The following PUDP variants were observed in gnomAD, a reference collection of about 807,000 sequenced individuals.
PUDP encodes the protein pseudouridine-5'-phosphatase.
In PUDP, 8 loss-of-function variants were observed where a neutral mutation model predicts 9.4. The ratio of observed to expected loss-of-function variants is 0.85; its 90% CI spans 0.50 to 1.53. The LOEUF (loss-of-function observed/expected upper bound fraction) is 1.53, where lower values mean the gene tolerates loss of function less well. Among genes scored for constraint, PUDP ranks in the 40% most tolerant of loss-of-function variants. The probability of loss-of-function intolerance (pLI) is 0.00; values close to 1 mark genes in which losing one functional copy is unlikely to be tolerated. For missense variants in PUDP, 188 were observed against 189.7 expected, an observed-to-expected ratio of 0.99 and a Z score of 0.05; for synonymous variants, 99 against 80.7, an observed-to-expected ratio of 1.23 and a Z score of -1.22.
intron 3 of PUDP, among the ~76,000 whole-genome samples, chrX:6,810,832 A>G (rs1406363754): frequency 8.9e-6 from 1 of 111,887 alleles, no homozygotes; most frequent in Non-Finnish European, 1.9e-5. Context: ...CAGCTATTGA[A>G]CTACTATTGC....
At chrX:6,897,639 G>T (rs1244543299) in intron 3 of PUDP, among the ~76,000 whole-genome samples, 1 of 111,447 alleles carries the variant, frequency 9.0e-6, no homozygotes, top group Non-Finnish European at 1.9e-5. Context: ...CATACACTAG[G>T]CAGTTTCTAA....
intron 3 of PUDP, among the ~76,000 whole-genome samples, chrX:6,729,780 C>G (rs1279391466): frequency 6.3e-5 from 7 of 111,591 alleles, no homozygotes; most frequent in Non-Finnish European, 1.1e-4. Flanking sequence ...TATTTGGAAG[C>G]AAGACTAGCT....
At chrX:6,981,839 G>A (rs970896391) in intron 1 of PUDP, among the ~76,000 whole-genome samples, 2 of 110,767 alleles carry the variant, frequency 1.8e-5, no homozygotes, top group African/African-American at 3.3e-5. Flanking sequence ...TTTAAAATTC[G>A]TATATTCATT....
intron 3 of PUDP, among the ~76,000 whole-genome samples, chrX:6,834,840 G>A (rs5989503): frequency 0.17 from 19,157 of 110,207 alleles, 1,740 homozygotes; most frequent in Non-Finnish European, 0.27. Context: ...GCAGCCCCAG[G>A]CCCATTTGTA....
At chrX:6,766,480 T>C (rs1925286836) in intron 3 of PUDP, among the ~76,000 whole-genome samples, 1 of 111,933 alleles carries the variant, frequency 8.9e-6, no homozygotes, top group Non-Finnish European at 1.9e-5. Context: ...GTGATGTTTT[T>C]ACATTCACTA....
At chrX:6,810,828 T>C (rs1926131296) in intron 3 of PUDP, among the ~76,000 whole-genome samples, 1 of 111,755 alleles carries the variant, frequency 8.9e-6, no homozygotes, top group Non-Finnish European at 1.9e-5. Flanking sequence ...CAGACAGCTA[T>C]TGAACTACTA....
chrX:6,990,765 G>C lies in PUDP; in HGVS notation c.205-12422C>G, dbSNP rs997889626. ...GCAGAGAGAGCTTCCCTTATTGAAG[G>C]AACGAAGTCAGAAAACTGGGAATTG... On this transcript the variant is annotated intron_variant and NMD_transcript_variant, in intron 1 of 3. Transcript: ENST00000655425. Among the ~76,000 whole-genome samples, 3 of 112,576 alleles carry C rather than the reference G, an allele frequency of 2.7e-5. No individual in the cohort carries two copies. In the South Asian group the frequency reaches 1.1e-3, roughly 42 times the overall value.
intron 1 of PUDP, among the ~76,000 whole-genome samples, chrX:7,009,123 G>C (rs1259452140): frequency 8.9e-6 from 1 of 112,165 alleles, no homozygotes; most frequent in African/African-American, 3.2e-5. Flanking sequence ...AAAACACTTG[G>C]AATGGCCAAC....
chrX:6,881,001 T>G (rs906067613), intron 3 of PUDP, among the ~76,000 whole-genome samples: 42 of 112,559 alleles, frequency 3.7e-4, no homozygotes, highest in Non-Finnish European at 7.5e-5. Flanking sequence ...AATGTATTAT[T>G]AGAGAATGAA....
At chrX:6,950,406 CTTT>C (rs768745445) in intron 3 of PUDP, among the ~76,000 whole-genome samples, 6 of 68,641 alleles carry the variant, frequency 8.7e-5, no homozygotes, top group Non-Finnish European at 7.7e-5. Context: ...TTAGTCATTT[CTTT>C]TTTTTTTTTT....
At chrX:6,966,660 A>C (rs1212198779) in intron 3 of PUDP, among the ~76,000 whole-genome samples, 1 of 107,152 alleles carries the variant, frequency 9.3e-6, no homozygotes, top group African/African-American at 3.4e-5. Flanking sequence ...AGATCCTCCC[A>C]CTTCAGCCTC....
intron 1 of PUDP, among the ~76,000 whole-genome samples, chrX:6,999,807 T>C (rs1929300052): frequency 9.4e-6 from 1 of 106,739 alleles, no homozygotes; most frequent in Non-Finnish European, 1.9e-5. Context: ...AATAATAATT[T>C]AAAAATTAAA....
chrX:6,774,980 C>G lies in PUDP; in HGVS notation c.*248-68514G>C, dbSNP rs189933986. 1.6e-4 allele frequency among the ~76,000 whole-genome samples: 18 copies of G among 112,185 alleles called. No homozygotes were observed. The East Asian group carries it at 5.1e-3, about 32-fold the overall frequency. ...AAATATTGAGACAAAATGTACATAA[C>G]ATTCAATTAACTGTTTTAGAGTGTA... On this transcript the variant is annotated intron_variant and NMD_transcript_variant, in intron 3 of 3. Transcript: ENST00000655425.
chrX:7,107,552 C>T (rs1159028160), intron 1 of PUDP, among the ~76,000 whole-genome samples: 6 of 112,621 alleles, frequency 5.3e-5, no homozygotes, highest in Admixed American at 1.9e-4. Context: ...ATGGGGCGGG[C>T]GCGGTGGCTC....
At chrX:6,996,913 C>A (rs929088636) in intron 1 of PUDP, among the ~76,000 whole-genome samples, 1 of 110,053 alleles carries the variant, frequency 9.1e-6, no homozygotes, top group Non-Finnish European at 1.9e-5. Context: ...AAGTGATCCA[C>A]CCGCCTTAAC....
upstream of PUDP, among the ~76,000 whole-genome samples, chrX:6,725,619 T>C (rs1924729544): frequency 8.9e-6 from 1 of 112,094 alleles, no homozygotes; most frequent in Admixed American, 9.5e-5. Context: ...TAGTGCATTG[T>C]TCAAAAGAAG....
chrX:6,901,813 G>A (rs1301160223), intron 3 of PUDP, among the ~76,000 whole-genome samples: 2 of 112,459 alleles, frequency 1.8e-5, no homozygotes, highest in Non-Finnish European at 3.8e-5. Context: ...TAAATTCCAG[G>A]AAAATGTAAC....
chrX:6,752,626 G>A (rs1925113483), intron 3 of PUDP, among the ~76,000 whole-genome samples: 1 of 111,521 alleles, frequency 9.0e-6, no homozygotes, highest in Non-Finnish European at 1.9e-5. Context: ...AGAACAGAGT[G>A]ACGTCAGGAA....
At chrX:6,716,580 C>T (rs763490924) in intron 1 of PUDP, among the ~76,000 whole-genome samples, 37 of 111,435 alleles carry the variant, frequency 3.3e-4, no homozygotes, top group Non-Finnish European at 6.6e-4. Flanking sequence ...CCTTCTTTAC[C>T]AAGTCTCTGA....
Sources: allele counts gnomAD v4.1 joint callset (sites outside exome capture counted in the v4.1 genomes callset), GRCh38; gene constraint gnomAD v4.1.1; transcripts MANE v1.5; gene names NCBI Gene and HGNC (gene_info 2026-07-23, HGNC 2026-07-21).